The following STK32B variants were observed in gnomAD, a reference collection of about 807,000 sequenced individuals.
STK32B encodes the protein serine/threonine-protein kinase 32B.
A neutral mutation model predicts 52.6 loss-of-function variants in STK32B; 43 were observed. The observed-to-expected ratio is 0.82, with a 90% confidence interval of 0.64 to 1.05. STK32B has a LOEUF of 1.05. Among genes scored for constraint, STK32B ranks in the 50% least tolerant of loss-of-function variants. The probability of loss-of-function intolerance (pLI) is 0.00; values close to 1 mark genes in which losing one functional copy is unlikely to be tolerated. For missense variants in STK32B, 621 were observed against 534.6 expected (o/e 1.16, Z -1.59); for synonymous variants, 238 against 204.3 (o/e 1.17, Z -1.41).
intron 2 of STK32B, among the ~76,000 whole-genome samples, chr4:5,151,069 A>C (rs1197157187): frequency 6.6e-6 from 1 of 152,156 alleles, no homozygotes; most frequent in African/African-American, 2.4e-5. Flanking sequence ...GCCTGTCATC[A>C]TCCGTTGAAA....
intron 1 of STK32B, among the ~76,000 whole-genome samples, chr4:5,118,980 T>C (rs1714883580): frequency 1.3e-5 from 2 of 152,170 alleles, no homozygotes; most frequent in Non-Finnish European, 2.9e-5. Context: ...CCCAGGAGCC[T>C]TTTTGGACGT....
intron 1 of STK32B, among the ~76,000 whole-genome samples, chr4:5,104,306 T>A (rs1713982500): frequency 6.6e-6 from 1 of 152,216 alleles, no homozygotes; most frequent in African/African-American, 2.4e-5. Flanking sequence ...ATGTAAGACA[T>A]CCCTTTGCTC....
intron 3 of STK32B, among the ~76,000 whole-genome samples, chr4:5,261,342 T>C (rs1726701242): frequency 1.3e-5 from 2 of 152,172 alleles, no homozygotes; most frequent in Admixed American, 6.5e-5. Flanking sequence ...GTGTGTCAGC[T>C]AGAGGAGAGA....
At chr4:5,190,510 A>T (rs927007855) in intron 3 of STK32B, among the ~76,000 whole-genome samples, 1 of 152,136 alleles carries the variant, frequency 6.6e-6, no homozygotes, top group Non-Finnish European at 1.5e-5. Context: ...TCATGGGTTC[A>T]TTTATTCAAC....
the STK32B span, among the ~76,000 whole-genome samples, chr4:5,027,678 C>T: frequency 6.6e-6 from 1 of 152,124 alleles, no homozygotes; most frequent in East Asian, 1.9e-4. Context: ...TCCATAATCC[C>T]ATCTTGGTCT....
chr4:5,367,371 G>A (rs1256686413), intron 4 of STK32B, among the ~76,000 whole-genome samples: 1 of 152,176 alleles, frequency 6.6e-6, no homozygotes. Flanking sequence ...TGACGGGGAT[G>A]GTGGGTGGAC....
chr4:5,316,124 A>T (rs1316294026), intron 3 of STK32B, among the ~76,000 whole-genome samples: 3 of 105,574 alleles, frequency 2.8e-5, no homozygotes, highest in South Asian at 2.3e-4. Context: ...ATATATATAT[A>T]TTTTCAAGTT....
intron 1 of STK32B, among the ~76,000 whole-genome samples, chr4:5,053,994 A>AATAAATAAATAAATAAAT (rs148849409): frequency 4.9e-4 from 72 of 148,008 alleles, no homozygotes; most frequent in South Asian, 2.4e-3. Flanking sequence ...TAAATAAATA[A>AATAAATAAATAAATAAAT]ATAAATAAAT....
At chr4:5,450,779 C>T (rs781133937) in intron 7 of STK32B, among the ~76,000 whole-genome samples, 1 of 152,180 alleles carries the variant, frequency 6.6e-6, no homozygotes, top group Non-Finnish European at 1.5e-5. Flanking sequence ...ATGGCTGGCA[C>T]TCAGGAAACA....
upstream of STK32B, among the ~76,000 whole-genome samples, chr4:5,050,064 A>C (rs1445994453): frequency 6.6e-6 from 1 of 152,212 alleles, no homozygotes; most frequent in Non-Finnish European, 1.5e-5. Flanking sequence ...CCCAGAGCCC[A>C]TGCCTGTCCA....
intron 1 of STK32B, among the ~76,000 whole-genome samples, chr4:5,121,918 C>T (rs908746718): frequency 6.6e-6 from 1 of 152,218 alleles, no homozygotes; most frequent in African/African-American, 2.4e-5. Flanking sequence ...GAGGAGAACA[C>T]AGCCCAGGCC....
intron 3 of STK32B, among the ~76,000 whole-genome samples, chr4:5,172,074 A>T (rs1256256772): frequency 4.6e-5 from 7 of 151,450 alleles, no homozygotes; most frequent in East Asian, 2.0e-4. Flanking sequence ...GAAGCAATTG[A>T]GAATGGGAGT....
At chr4:5,080,791 A>G (rs905372023) in intron 1 of STK32B, among the ~76,000 whole-genome samples, 18 of 151,648 alleles carry the variant, frequency 1.2e-4, no homozygotes, top group African/African-American at 4.4e-4. Context: ...TTTTGTGTAT[A>G]TGGTGGGAAA....
Position 5,394,288 on chromosome 4 carries a change from T to C in STK32B, c.435-3919T>C, listed in dbSNP as rs560282440. On this transcript the variant is annotated intron_variant, in intron 4 of 11. Transcript: ENST00000282908. This position sits in a 1 kb window ranked among gnomAD's most constrained non-coding sequence, Gnocchi z 4.2. ...TTGCCCAACTCTGAAATTATGGGTCTGTCCTCAGGAAACATCGTCACCGCC... is the reference window on the plus strand; with the variant it reads ...TTGCCCAACTCTGAAATTATGGGTCCGTCCTCAGGAAACATCGTCACCGCC... Among the ~76,000 whole-genome samples the C allele has an allele frequency of 6.6e-6, 1 of 152,344 alleles. No homozygotes were observed. The highest frequency in any genetic ancestry group is 2.1e-4 in the South Asian group (1 of 4,830).
intron 1 of STK32B, among the ~76,000 whole-genome samples, chr4:5,053,560 C>T (rs1370020560): frequency 6.6e-6 from 1 of 152,178 alleles, no homozygotes; most frequent in African/African-American, 2.4e-5. Flanking sequence ...TTATCCCCAG[C>T]TTGAAAATAT....
Position 5,400,228 on chromosome 4 carries a change from GC to G in STK32B, c.472+1985del, listed in dbSNP as rs373169792. Among the ~76,000 whole-genome samples the G allele has an allele frequency of 3.3e-4, 50 of 152,294 alleles. No individual in the cohort carries two copies. The East Asian group carries it at 4.8e-3, about 15-fold the overall frequency. On this transcript the variant is annotated intron_variant, in intron 5 of 11. Coordinates refer to ENST00000282908, the MANE Select transcript of STK32B (RefSeq NM_018401.3). The surrounding 1 kb of genome is among the most constrained non-coding windows in gnomAD (Gnocchi z 6.1). ...GCTGCTGCACAAAAGATATAGGCAG[GC>G]GGGCTGCTCCCAGGCAGCCTCCCCT... is the stretch of plus-strand genomic sequence containing the variant.
At chr4:5,050,097 G>A (rs1268721947), upstream of STK32B, among the ~76,000 whole-genome samples, 4 of 152,340 alleles carry the variant, frequency 2.6e-5, no homozygotes, top group South Asian at 6.2e-4. Context: ...TGCTTCTTGA[G>A]CTAGGGGCCA....
At position 5,499,885 on chromosome 4, in the gene STK32B, C is replaced by G. The variant is rs1321290505; in HGVS notation, c.*802C>G. On this transcript the variant is annotated 3_prime_UTR_variant, in exon 12 of 12. Coordinates refer to ENST00000282908, the MANE Select transcript of STK32B (RefSeq NM_018401.3). ...TGTAATCAGCACCCCATCCAACTGG[C>G]CCGAAAGCCCAGACCTGCAGCAGAA... 1 of 152,332 alleles carries G rather than the reference C, an allele frequency of 6.6e-6. No homozygotes were observed. Among genetic ancestry groups the G allele is most frequent in the Non-Finnish European group, 1.5e-5 (1 of 68,134 alleles). 9.4% of individuals were successfully genotyped at this position (152,332 alleles called of 1,614,324 possible).
At chr4:5,343,697 A>G (rs868612761) in intron 4 of STK32B, among the ~76,000 whole-genome samples, 1 of 152,228 alleles carries the variant, frequency 6.6e-6, no homozygotes, top group Non-Finnish European at 1.5e-5. Context: ...ACCAAAAGCA[A>G]TGGCAACACA....
Sources: allele counts gnomAD v4.1 joint callset (sites outside exome capture counted in the v4.1 genomes callset), GRCh38; gene constraint gnomAD v4.1.1; non-coding constraint Gnocchi (gnomAD v3.1); transcripts MANE v1.5; gene names NCBI Gene and HGNC (gene_info 2026-07-23, HGNC 2026-07-21).